PDZD2: variants seen among roughly 807,000 people sequenced by gnomAD.
PDZD2 encodes PDZ domain-containing protein 2.
In PDZD2, 90 loss-of-function variants were observed where a neutral mutation model predicts 220.7. The ratio of observed to expected loss-of-function variants is 0.41; its 90% CI spans 0.34 to 0.49. The LOEUF (loss-of-function observed/expected upper bound fraction) is 0.49. Among genes scored for constraint, PDZD2 ranks in the 20% least tolerant of loss-of-function variants. The probability of loss-of-function intolerance (pLI) is 0.28; values close to 1 mark genes in which losing one functional copy is unlikely to be tolerated. For synonymous variants in PDZD2, 1,375 were observed against 1,450.5 expected (o/e 0.95, Z 1.18); for missense variants, 3,174 against 3,608.5 (o/e 0.88, Z 3.08).
At chr5:32,052,780 A>G in intron 9 of PDZD2, 50 bp downstream of exon 9, 1 of 1,578,120 alleles carries the variant, frequency 6.3e-7, no homozygotes, top group Non-Finnish European at 8.6e-7. Flanking sequence ...ATCTTAGCAC[A>G]CATTTTTTGT....
At position 31,685,194 on chromosome 5, in the gene PDZD2, G is replaced by T. The variant is rs1746803977; in HGVS notation, c.-361+45757G>T. 3.3e-5 allele frequency among the ~76,000 whole-genome samples: 5 copies of T among 151,958 alleles called. No homozygotes were observed. In the Middle Eastern group the frequency reaches 0.01, roughly 312 times the overall value. On this transcript the variant is annotated intron_variant, in intron 1 of 24. Transcript: ENST00000438447. Reference sequence around the variant, plus strand: ...CCCCTTCTCTTTCCTAATTTTGCTGGCTATTATGGTTATTTTTCCAGAGGA... The same window carrying T: ...CCCCTTCTCTTTCCTAATTTTGCTGTCTATTATGGTTATTTTTCCAGAGGA...
intron 1 of PDZD2, among the ~76,000 whole-genome samples, chr5:31,672,226 G>T (rs530115644): frequency 2.9e-4 from 44 of 152,300 alleles, no homozygotes; most frequent in African/African-American, 1.0e-3. Flanking sequence ...TCACCTGGGG[G>T]TCTTGTTAAA....
chr5:31,752,856 G>A (rs1185811900), intron 1 of PDZD2, among the ~76,000 whole-genome samples: 1 of 152,058 alleles, frequency 6.6e-6, no homozygotes, highest in East Asian at 1.9e-4. Context: ...GAACCCCATA[G>A]TGGTTGGTGC....
chr5:32,098,258 A>G lies in PDZD2; in HGVS notation c.7948-106A>G. 1 of 1,138,780 alleles carries G rather than the reference A, an allele frequency of 8.8e-7. No homozygotes were observed. The highest frequency in any genetic ancestry group is 1.2e-6 in the Non-Finnish European group (1 of 802,388). 70.5% of individuals were successfully genotyped at this position (1,138,780 alleles called of 1,614,324 possible). On this transcript the variant is annotated intron_variant, in intron 22 of 24. Coordinates refer to ENST00000438447, the MANE Select transcript of PDZD2 (RefSeq NM_178140.4). This position sits in a 1 kb window ranked among gnomAD's most constrained non-coding sequence, Gnocchi z 4.1. ...CTCCCTCTCAAAAAATAAAAATAAA[A>G]AAGGAAGGTTCCTTTACTACAGATA...
intron 1 of PDZD2, among the ~76,000 whole-genome samples, chr5:31,752,581 GT>G (rs11342582): frequency 0.14 from 21,282 of 150,460 alleles, 2,844 homozygotes; most frequent in East Asian, 0.37. Context: ...TAAAATAGGC[GT>G]TTTTTTTTCC....
chr5:31,722,685 TG>T (rs1421585020), intron 1 of PDZD2, among the ~76,000 whole-genome samples: 2 of 147,206 alleles, frequency 1.4e-5, no homozygotes, highest in African/African-American at 5.1e-5. Context: ...TTTTGTGGGT[TG>T]TTTTTTTGTT....
chr5:31,697,566 T>A (rs979481950), intron 1 of PDZD2, among the ~76,000 whole-genome samples: 2 of 152,244 alleles, frequency 1.3e-5, no homozygotes. Flanking sequence ...TGTTGACATG[T>A]CCTCATGTTC....
chr5:31,909,957 A>C (rs1290322282), intron 2 of PDZD2, among the ~76,000 whole-genome samples: 1 of 152,086 alleles, frequency 6.6e-6, no homozygotes, highest in Non-Finnish European at 1.5e-5. Context: ...GTTCCTCCAT[A>C]CCTTCATCCC....
chr5:31,701,783 GAGA>G (rs975078241), intron 1 of PDZD2, among the ~76,000 whole-genome samples: 1 of 152,140 alleles, frequency 6.6e-6, no homozygotes, highest in African/African-American at 2.4e-5. Flanking sequence ...CCCTAATAAC[GAGA>G]AGATGTGCAG....
At chr5:31,925,076 A>G (rs1328816312) in intron 2 of PDZD2, among the ~76,000 whole-genome samples, 1 of 152,242 alleles carries the variant, frequency 6.6e-6, no homozygotes, top group Non-Finnish European at 1.5e-5. Context: ...GGGACTGAAC[A>G]GTTATCTATG....
chr5:31,802,066 T>C (rs575708935), intron 2 of PDZD2, among the ~76,000 whole-genome samples: 1 of 152,284 alleles, frequency 6.6e-6, no homozygotes, highest in South Asian at 2.1e-4. Context: ...AGGTGGAACA[T>C]AGAACTGGAA....
intron 2 of PDZD2, among the ~76,000 whole-genome samples, chr5:31,974,708 A>T (rs1749593188): frequency 6.6e-6 from 1 of 152,192 alleles, no homozygotes; most frequent in Non-Finnish European, 1.5e-5. Flanking sequence ...TCAGGGCAGT[A>T]TGGACCTCTG....
chr5:31,869,275 C>G (rs1738521652), intron 2 of PDZD2, among the ~76,000 whole-genome samples: 1 of 152,176 alleles, frequency 6.6e-6, no homozygotes, highest in Admixed American at 6.5e-5. Context: ...TCCAGCCACG[C>G]TCCTCAGCCC....
At chr5:31,864,504 T>C (rs937247426) in intron 2 of PDZD2, among the ~76,000 whole-genome samples, 3 of 152,154 alleles carry the variant, frequency 2.0e-5, no homozygotes, top group Non-Finnish European at 4.4e-5. Context: ...GTTTACTACA[T>C]CTGAATTTGA....
At position 31,689,353 on chromosome 5, in the gene PDZD2, A is replaced by ATATTTTTT; in HGVS notation, c.-361+49917_-361+49918insATTTTTTT. The stretch of plus-strand genomic sequence containing the variant: ...TACATATACATATATATATATATAT[A>ATATTTTTT]TTTTTTTTTTTTTTTTTTTTAAGTC... On this transcript the variant is annotated intron_variant, in intron 1 of 24. Coordinates refer to ENST00000438447, the MANE Select transcript of PDZD2 (RefSeq NM_178140.4). 1.7e-3 allele frequency among the ~76,000 whole-genome samples: 61 copies of ATATTTTTT among 35,122 alleles called. 2 individuals carry two copies. Among genetic ancestry groups the ATATTTTTT allele is most frequent in the African/African-American group, 0.01 (50 of 4,806 alleles). 23.0% of individuals were successfully genotyped at this position (35,122 alleles called of 152,430 possible).
rs567328243 is a variant in PDZD2 at position 32,082,078 on chromosome 5, A to G, written c.3682+4472A>G. On this transcript the variant is annotated intron_variant, in intron 19 of 24. Transcript: ENST00000438447. ...CCTCTGTCACCCAGGCTGGAGTGCAATGGCGCGATCTTGGCTCACTGCAAC... is the reference window on the plus strand; with the variant it reads ...CCTCTGTCACCCAGGCTGGAGTGCAGTGGCGCGATCTTGGCTCACTGCAAC... Among the ~76,000 whole-genome samples the G allele has an allele frequency of 2.5e-3, 352 of 138,738 alleles. 2 individuals carry two copies. The Middle Eastern group carries it at 0.047, about 19-fold the overall frequency. 91.0% of individuals were successfully genotyped at this position (138,738 alleles called of 152,430 possible).
intron 1 of PDZD2, among the ~76,000 whole-genome samples, chr5:31,645,503 A>G (rs1445219851): frequency 3.3e-5 from 5 of 151,846 alleles, no homozygotes; most frequent in Non-Finnish European, 7.4e-5. Flanking sequence ...CACCCAGCTA[A>G]TTTTTGTATT....
intron 1 of PDZD2, among the ~76,000 whole-genome samples, chr5:31,708,514 CTCCAA>C (rs1747932892): frequency 6.6e-6 from 1 of 152,222 alleles, no homozygotes; most frequent in Non-Finnish European, 1.5e-5. Context: ...ACTGAAGATC[CTCCAA>C]AGGTCTCAGA....
At chr5:31,932,589 G>A (rs532872310) in intron 2 of PDZD2, among the ~76,000 whole-genome samples, 1 of 151,636 alleles carries the variant, frequency 6.6e-6, no homozygotes, top group East Asian at 1.9e-4. Flanking sequence ...AGAAAATCCA[G>A]GCTCCATTGA....
Sources: gnomAD v4.1 joint callset for allele counts (sites outside exome capture counted in the v4.1 genomes callset) on GRCh38, gnomAD v4.1.1 for gene constraint, Gnocchi (gnomAD v3.1) non-coding constraint, MANE v1.5 for transcripts, NCBI Gene and HGNC (gene_info 2026-07-23, HGNC 2026-07-21) for gene names.